Variants in STAB1 observed in about 807,000 individuals in gnomAD.
STAB1 encodes the protein stabilin 1, also known as stabilin-1.
In STAB1, 250 loss-of-function variants were observed where a neutral mutation model predicts 332.4. The observed-to-expected ratio is 0.75, with a 90% CI of 0.68 to 0.84. The LOEUF (loss-of-function observed/expected upper bound fraction) is 0.84, where lower values mean the gene tolerates loss of function less well. STAB1 is among the 40% of genes least tolerant of loss of function. The pLI is 0.00. For synonymous variants in STAB1, 1,475 were observed against 1,390.4 expected, an observed-to-expected ratio of 1.06 and a Z score of -1.35; for missense variants, 3,249 against 3,489.7, an observed-to-expected ratio of 0.93 and a Z score of 1.74.
At chr3:52,499,965 C>T (rs912155425) in intron 1 of STAB1, among the ~76,000 whole-genome samples, 15 of 148,994 alleles carry the variant, frequency 1.0e-4, no homozygotes, top group African/African-American at 3.5e-4. Context: ...CCCAGCTACT[C>T]GGGAGGCTGA....
rs371576116 is a variant in STAB1 at position 52,505,780 on chromosome 3, C to T, written c.1694C>T (p.Ala565Val). Reference sequence around the variant, plus strand: ...GGCCGCCTGATCTACCTCTTCACAGCGGTAAGCTCAGCGGGAGAAGGGGCT... The same window carrying T: ...GGCCGCCTGATCTACCTCTTCACAGTGGTAAGCTCAGCGGGAGAAGGGGCT... ...RDGRLIYLFT[A>V]GLSKLQELVR... The change falls in exon 15 of 69, where the codon GCG (alanine) becomes GTG (valine). Residue 565 changes from alanine (A) to valine (V), a missense_variant and splice_region_variant. Physicochemically the swap from Ala to Val is moderately conservative, Grantham distance 64. Transcript: ENST00000321725. 4.0e-5 allele frequency: 65 copies of T among 1,613,712 alleles called. 1 individual carries two copies. Among genetic ancestry groups the T allele is most frequent in the Non-Finnish European group, 5.2e-5 (61 of 1,180,008 alleles).
intron 21 of STAB1, 48 bp from the exon 22 acceptor site, chr3:52,509,162 A>G: frequency 1.3e-6 from 2 of 1,516,248 alleles, no homozygotes; most frequent in Non-Finnish European, 1.8e-6. Flanking sequence ...GAGGGGATGT[A>G]GAGAGTCCCT....
chr3:52,514,674 G>A (rs752291209), intron 34 of STAB1, 27 bp from the exon 35 acceptor site: 1 of 1,612,640 alleles, frequency 6.2e-7, no homozygotes, highest in Non-Finnish European at 8.5e-7. Context: ...GTAGGTGGGT[G>A]GATTCAGCCT....
intron 54 of STAB1, 30 bp downstream of exon 54, chr3:52,520,728 T>TGGGGGGG (rs1553680390): frequency 2.5e-6 from 1 of 394,144 alleles, no homozygotes; most frequent in African/African-American, 6.4e-5. Context: ...GTGGGGGTGG[T>TGGGGGGG]GGGGTGGGGG....
At chr3:52,503,580 A>C (rs1578362415) in intron 8 of STAB1, 40 bp downstream of exon 8, 1 of 1,600,316 alleles carries the variant, frequency 6.2e-7, no homozygotes. Flanking sequence ...CCCACAGTGC[A>C]CCCAAACACT....
Position 52,523,268 on chromosome 3 carries a change from T to C in STAB1, c.7067T>C (p.Leu2356Pro). 1 of 1,613,002 alleles carries C rather than the reference T, an allele frequency of 6.2e-7. No homozygotes were observed. Among genetic ancestry groups the C allele is most frequent in the Non-Finnish European group, 8.5e-7 (1 of 1,179,804 alleles). Residue 2356 changes from leucine to proline, a missense_variant, in exon 64 of 69, where the codon CTG becomes CCG. By Grantham distance (98) the Leu-to-Pro change is moderately conservative (BLOSUM62 -3). Coordinates refer to ENST00000321725, the MANE Select transcript of STAB1 (RefSeq NM_015136.3). ...ANATQRGLDF[L>P]DFLDDELTYK... ...GCCACCCAGCGGGGTCTCGACTTCC[T>C]GGACTTCCTGGATGATGAGCTCACG...
At chr3:52,518,245 T>C in intron 45 of STAB1, 67 bp from the exon 46 acceptor site, 1 of 1,601,254 alleles carries the variant, frequency 6.2e-7, no homozygotes, top group Non-Finnish European at 8.5e-7. Context: ...GGGCCGCAGG[T>C]GCTGGGACAG....
rs1292045558 is a variant in STAB1, at chr3:52,521,514, G to C, written c.6058+4G>C. 6.2e-7 allele frequency: 1 copy of C among 1,613,818 alleles called. No individual in the cohort carries two copies. The highest frequency in any genetic ancestry group is 1.7e-5 in the Admixed American group (1 of 59,996). ...GCCTTTGGGCCCCATTGTCAAGGTG[G>C]GCCATCCCTGCCTGCCCCACGGCCC... On this transcript the variant is annotated splice_donor_region_variant and intron_variant, in intron 56 of 68. Transcript: ENST00000321725.
chr3:52,505,135 G>T lies in STAB1; in HGVS notation c.1510G>T (p.Asp504Tyr). Residue 504 changes from aspartate (D) to tyrosine (Y), a missense_variant, in exon 13 of 69, where the codon GAT (aspartate) becomes TAT (tyrosine). Transcript: ENST00000321725. ...GCAGGCCCCCTCTGGGACCCCTGGGGATCCCAAGGTGAGCCAGCATCCTCC... is the reference window on the plus strand; with the variant it reads ...GCAGGCCCCCTCTGGGACCCCTGGGTATCCCAAGGTGAGCCAGCATCCTCC... The part of the protein sequence containing the change: ...RWQAPSGTPG[D>Y]PKRTIGQILA... 6.2e-7 allele frequency: 1 copy of T among 1,612,974 alleles called. No individual in the cohort carries two copies. The highest frequency in any genetic ancestry group is 1.1e-5 in the South Asian group (1 of 91,068).
chr3:52,517,856 C>A, intron 44 of STAB1, 25 bp from the exon 45 acceptor site: 1 of 1,611,734 alleles, frequency 6.2e-7, no homozygotes. Context: ...GCCACTGATA[C>A]CTTCCTCTCC....
rs1279542812 is a variant in STAB1 at position 52,513,118 on chromosome 3, G to T, written c.3159-12G>T. ...CCTGATTCCATGACCCCCCTAAACT[G>T]TGCCCTGTCAGGGCCCATTTTCTCC... On this transcript the variant is annotated splice_polypyrimidine_tract_variant and intron_variant, in intron 29 of 68. Coordinates refer to ENST00000321725, the MANE Select transcript of STAB1 (RefSeq NM_015136.3). The T allele has an allele frequency of 2.6e-6, 4 of 1,558,180 alleles. No homozygotes were observed. Among genetic ancestry groups the T allele is most frequent in the Middle Eastern group, 3.3e-4 (2 of 6,010 alleles).
chr3:52,514,384 A>T lies in STAB1; in HGVS notation c.3566A>T (p.His1189Leu). 1 of 1,550,504 alleles carries T rather than the reference A, an allele frequency of 6.4e-7. No homozygotes were observed. Among genetic ancestry groups the T allele is most frequent in the South Asian group, 1.2e-5 (1 of 80,228 alleles). Residue 1189 changes from histidine to leucine, a missense_variant, in exon 34 of 69, where the codon CAC becomes CTC. His to Leu is a moderately conservative substitution (Grantham distance 99, BLOSUM62 -3). Coordinates refer to ENST00000321725, the MANE Select transcript of STAB1 (RefSeq NM_015136.3). The part of the protein sequence containing the change: ...SSHLDADTVR[H>L]HVVLGEALSM... The stretch of plus-strand genomic sequence containing the variant: ...TTCCAGGACGCAGACACAGTGCGGC[A>T]CCATGTGGTCCTGGGGGAGGCCCTC...
At chr3:52,508,174 C>G (rs1047578017) in intron 20 of STAB1, 99 bp from the exon 21 acceptor site, 2 of 1,361,570 alleles carry the variant, frequency 1.5e-6, no homozygotes, top group East Asian at 4.6e-5. Context: ...AAACCTTATC[C>G]ACTCCGTCAC....
At chr3:52,515,939 G>C in intron 37 of STAB1, 104 bp from the exon 38 acceptor site, 1 of 1,293,210 alleles carries the variant, frequency 7.7e-7, no homozygotes, top group Non-Finnish European at 1.0e-6. Flanking sequence ...GGGTTCTGAG[G>C]GGTTTTGCTC....
intron 42 of STAB1, 102 bp from the exon 43 acceptor site, chr3:52,517,218 G>C: frequency 6.7e-7 from 1 of 1,501,120 alleles, no homozygotes; most frequent in South Asian, 1.4e-5. Flanking sequence ...GTGGGGACTG[G>C]GGGCGCTGAG....
Position 52,517,566 on chromosome 3 carries a change from G to A in STAB1, c.4580G>A (p.Arg1527His), listed in dbSNP as rs375116843. 51 of 1,612,882 alleles carry A rather than the reference G, an allele frequency of 3.2e-5. No homozygotes were observed. In the East Asian group the frequency reaches 4.0e-4, roughly 13 times the overall value. ...TGGGGACAGGTCTCCTGCAGCTGCC[G>A]TGAGGGTTACAGCGGGGATGGCATC... is the stretch of plus-strand genomic sequence containing the variant. ...TGPQQVSCSC[R>H]EGYSGDGIRT... The change falls in exon 44 of 69, where the codon CGT (arginine) becomes CAT (histidine). Residue 1527 changes from arginine (R) to histidine (H), a missense_variant. By Grantham distance (29) the Arg-to-His change is conservative. Transcript: ENST00000321725.
At position 52,524,299 on chromosome 3, in the gene STAB1, G is replaced by A. The variant is rs1339369170; in HGVS notation, c.7657-1G>A. On this transcript the variant is annotated splice_acceptor_variant, in intron 68 of 68. Transcript: ENST00000321725. LOFTEE classifies it high-confidence loss of function. Reference sequence around the variant, plus strand: ...CTCCACCACCAACCCTGCTCTTCTAGGACTCACTGCTGGAGGAGGACTTCC... The same window carrying A: ...CTCCACCACCAACCCTGCTCTTCTAAGACTCACTGCTGGAGGAGGACTTCC... 2.5e-6 allele frequency: 4 copies of A among 1,613,810 alleles called. No homozygotes were observed. In the East Asian group the frequency reaches 6.7e-5, roughly 27 times the overall value.
At chr3:52,499,507 G>A (rs1055238289) in intron 1 of STAB1, among the ~76,000 whole-genome samples, 9 of 152,186 alleles carry the variant, frequency 5.9e-5, no homozygotes, top group African/African-American at 2.2e-4. Flanking sequence ...CACTGTCCCT[G>A]CCTTGGCCCA....
intron 21 of STAB1, 65 bp downstream of exon 21, chr3:52,508,424 G>A (rs922923550): frequency 1.3e-6 from 2 of 1,522,600 alleles, no homozygotes; most frequent in Admixed American, 3.5e-5. Context: ...CGGTTGGCCA[G>A]TGACTGGCTG....
Sources: gnomAD v4.1 joint callset for allele counts (sites outside exome capture counted in the v4.1 genomes callset) on GRCh38, gnomAD v4.1.1 for gene constraint, MANE v1.5 for transcripts, NCBI Gene and HGNC (gene_info 2026-07-23, HGNC 2026-07-21) for gene names.